Variants in CNTN6 observed in about 807,000 individuals in gnomAD.
The protein encoded by CNTN6 is contactin 6.
Under a neutral mutation model 122.8 loss-of-function variants are expected in CNTN6, and 137 were observed. That is an observed-to-expected ratio of 1.12 (90% confidence interval 0.97 to 1.29). The LOEUF (loss-of-function observed/expected upper bound fraction) is 1.29. Ranked by LOEUF, CNTN6 falls within the 50% of genes most tolerant of loss-of-function variation. The pLI, the probability that CNTN6 is intolerant of heterozygous loss-of-function variation, is 0.00. For missense variants in CNTN6, 1,634 were observed against 1,223.4 expected, an observed-to-expected ratio of 1.34 and a Z score of -5.01; for synonymous variants, 570 against 426.0, an observed-to-expected ratio of 1.34 and a Z score of -4.16.
chr3:1,358,580 G>A (rs1706968090), intron 12 of CNTN6, among the ~76,000 whole-genome samples: 3 of 151,764 alleles, frequency 2.0e-5, no homozygotes, highest in South Asian at 4.2e-4. Context: ...ATGCTTTCAA[G>A]TCCAAAAGAG....
intron 2 of CNTN6, among the ~76,000 whole-genome samples, chr3:1,195,226 A>G (rs531739927): frequency 3.3e-5 from 5 of 152,200 alleles, no homozygotes; most frequent in African/African-American, 1.2e-4. Context: ...GCTCTTGCCT[A>G]TGTTTTTCTC....
intron 5 of CNTN6, among the ~76,000 whole-genome samples, chr3:1,287,382 C>G (rs905086753): frequency 2.0e-5 from 3 of 152,122 alleles, no homozygotes; most frequent in African/African-American, 4.8e-5. Context: ...TTCTAGAGGG[C>G]AAAACTATCC....
At chr3:1,101,978 C>T (rs1278889202) in intron 1 of CNTN6, among the ~76,000 whole-genome samples, 1 of 152,122 alleles carries the variant, frequency 6.6e-6, no homozygotes, top group African/African-American at 2.4e-5. Flanking sequence ...AAGATGATTT[C>T]TGCTGAATAA....
intron 7 of CNTN6, among the ~76,000 whole-genome samples, chr3:1,304,472 A>AT (rs1203121468): frequency 6.6e-6 from 1 of 152,186 alleles, no homozygotes; most frequent in Non-Finnish European, 1.5e-5. Flanking sequence ...ACACTTTCAT[A>AT]TTTATATTGA....
At chr3:1,300,516 A>G (rs1166013493) in intron 7 of CNTN6, among the ~76,000 whole-genome samples, 8 of 148,134 alleles carry the variant, frequency 5.4e-5, no homozygotes, top group South Asian at 2.1e-4. Context: ...AGAGAAAGAA[A>G]GAAAGAAAGA....
chr3:1,167,395 C>T (rs1194672303), intron 2 of CNTN6, among the ~76,000 whole-genome samples: 1 of 152,116 alleles, frequency 6.6e-6, no homozygotes, highest in Non-Finnish European at 1.5e-5. Context: ...TGAAATGTTG[C>T]CCAGATGGGG....
chr3:1,246,765 T>C (rs1468741957), intron 4 of CNTN6, among the ~76,000 whole-genome samples: 1 of 152,210 alleles, frequency 6.6e-6, no homozygotes, highest in African/African-American at 2.4e-5. Context: ...TTCTGTTTCC[T>C]GATCACTAAT....
intron 4 of CNTN6, among the ~76,000 whole-genome samples, chr3:1,244,004 G>T (rs999159587): frequency 5.9e-5 from 9 of 152,136 alleles, no homozygotes; most frequent in Non-Finnish European, 7.3e-5. Context: ...AAAATGCCTG[G>T]ACGTAAGGCA....
chr3:1,241,542 A>C (rs1331713639), intron 4 of CNTN6, among the ~76,000 whole-genome samples: 1 of 152,156 alleles, frequency 6.6e-6, no homozygotes, highest in Non-Finnish European at 1.5e-5. Flanking sequence ...GGTCCGAATT[A>C]AAAGGAGGAG....
intron 4 of CNTN6, among the ~76,000 whole-genome samples, chr3:1,238,167 A>G (rs1329417219): frequency 5.3e-5 from 8 of 152,162 alleles, no homozygotes; most frequent in Admixed American, 5.2e-4. Context: ...AGAATTCTCC[A>G]ATAAAGTCTC....
At chr3:1,201,400 T>C (rs769553573) in intron 2 of CNTN6, among the ~76,000 whole-genome samples, 16 of 152,196 alleles carry the variant, frequency 1.1e-4, no homozygotes, top group Non-Finnish European at 1.8e-4. Flanking sequence ...ATTAGCTTTT[T>C]TTTCTCATGG....
At chr3:1,237,653 G>A (rs1274887920) in intron 4 of CNTN6, among the ~76,000 whole-genome samples, 1 of 152,134 alleles carries the variant, frequency 6.6e-6, no homozygotes, top group Non-Finnish European at 1.5e-5. Context: ...TGAGACAAAA[G>A]CATCAGGTAA....
chr3:1,319,509 CT>C (rs1700553312), intron 7 of CNTN6, among the ~76,000 whole-genome samples: 1 of 151,006 alleles, frequency 6.6e-6, no homozygotes, highest in Non-Finnish European at 1.5e-5. Flanking sequence ...TGTTCAGTTA[CT>C]TAGGTATTTA....
At chr3:1,294,693 T>A (rs1237198462) in intron 5 of CNTN6, among the ~76,000 whole-genome samples, 1 of 152,196 alleles carries the variant, frequency 6.6e-6, no homozygotes, top group African/African-American at 2.4e-5. Flanking sequence ...GAAATGCTTG[T>A]CGACTCCTCC....
At chr3:1,287,833 A>G (rs1694606110) in intron 5 of CNTN6, among the ~76,000 whole-genome samples, 1 of 152,218 alleles carries the variant, frequency 6.6e-6, no homozygotes, top group Admixed American at 6.5e-5. Context: ...AGTGTGAGGA[A>G]CCTTCAGTCC....
intron 7 of CNTN6, among the ~76,000 whole-genome samples, chr3:1,302,888 A>G (rs936530134): frequency 2.0e-5 from 3 of 152,000 alleles, no homozygotes; most frequent in African/African-American, 7.2e-5. Context: ...GTTTTACATT[A>G]TCTTTTATGC....
At chr3:1,212,081 T>C (rs2125478035) in intron 2 of CNTN6, among the ~76,000 whole-genome samples, 1 of 152,278 alleles carries the variant, frequency 6.6e-6, no homozygotes, top group East Asian at 1.9e-4. Flanking sequence ...AGTCAGATCA[T>C]GGAATTAACT....
At chr3:1,248,046 G>A (rs1314071679) in intron 4 of CNTN6, among the ~76,000 whole-genome samples, 1 of 152,082 alleles carries the variant, frequency 6.6e-6, no homozygotes, top group African/African-American at 2.4e-5. Context: ...TATGTTGGGT[G>A]GCTCTTCTTG....
At chr3:1,366,036 A>G (rs1344829747) in intron 12 of CNTN6, among the ~76,000 whole-genome samples, 1 of 152,186 alleles carries the variant, frequency 6.6e-6, no homozygotes, top group Non-Finnish European at 1.5e-5. Flanking sequence ...ATCAAAATCA[A>G]GTGGAGAAGC....
Sources: gnomAD v4.1 joint callset for allele counts (sites outside exome capture counted in the v4.1 genomes callset) on GRCh38, gnomAD v4.1.1 for gene constraint, MANE v1.5 for transcripts, NCBI Gene and HGNC (gene_info 2026-07-23, HGNC 2026-07-21) for gene names.